Variants in ANKRD24 observed in about 807,000 individuals in gnomAD.
The protein encoded by ANKRD24 is ankyrin repeat domain 24.
In ANKRD24, 109 loss-of-function variants were observed where a neutral mutation model predicts 127.8. The observed-to-expected ratio is 0.85, with a 90% CI of 0.73 to 1.00. ANKRD24 has a LOEUF of 1.00. Ranked by LOEUF, ANKRD24 falls within the 50% of genes least tolerant of loss-of-function variation. The probability of loss-of-function intolerance (pLI) is 0.00; values close to 1 mark genes in which losing one functional copy is unlikely to be tolerated. For synonymous variants in ANKRD24, 743 were observed against 671.1 expected, an observed-to-expected ratio of 1.11 and a Z score of -1.66; for missense variants, 1,648 against 1,570.2, an observed-to-expected ratio of 1.05 and a Z score of -0.84.
intron 20 of ANKRD24, among the ~76,000 whole-genome samples, chr19:4,223,542 G>T (rs10425435): frequency 6.7e-6 from 1 of 150,190 alleles, no homozygotes; most frequent in Non-Finnish European, 1.5e-5. Context: ...TGACTAGCTG[G>T]GACTACAGGT....
At chr19:4,186,352 G>A in intron 1 of ANKRD24, 38 bp from the exon 2 acceptor site, 2 of 1,552,282 alleles carry the variant, frequency 1.3e-6, no homozygotes, top group Non-Finnish European at 1.7e-6. Flanking sequence ...CACCAGGACT[G>A]GTGTCCCTCA....
Position 4,219,743 on chromosome 19 carries a change from G to A in ANKRD24, c.3156G>A (p.Lys1052=). ...CCCAGGAGGCTCTGGACAAGGCCAA[G>A]GAGAAGGACAAGAAGGTGGGTGCCC... ...SRAQEALDKA[K]EKDKKITELS... The change falls in exon 19 of 22, where the codon AAG becomes AAA. Residue 1052 remains lysine (K), a synonymous_variant. Coordinates refer to ENST00000318934, the MANE Select transcript of ANKRD24 (RefSeq NM_001393985.1). 1 of 1,608,104 alleles carries A rather than the reference G, an allele frequency of 6.2e-7. No individual in the cohort carries two copies. The highest frequency in any genetic ancestry group is 1.3e-5 in the African/African-American group (1 of 74,860).
chr19:4,222,834 G>A (rs757198988), intron 20 of ANKRD24, 39 bp downstream of exon 20: 8 of 1,550,894 alleles, frequency 5.2e-6, no homozygotes, highest in South Asian at 1.2e-5. Flanking sequence ...GGACCATCAG[G>A]GTGGAGGAGT....
intron 7 of ANKRD24, among the ~76,000 whole-genome samples, chr19:4,205,066 T>TG (rs1969309358): frequency 6.6e-6 from 1 of 152,148 alleles, no homozygotes. Context: ...TGAAACCCTG[T>TG]CTCTACTAAA....
At chr19:4,209,012 T>G in intron 11 of ANKRD24, 1 of 435,906 alleles carries the variant, frequency 2.3e-6, no homozygotes, top group East Asian at 4.3e-5. Context: ...GGGGCCAAAT[T>G]ATGGGGCTGG....
intron 15 of ANKRD24, among the ~76,000 whole-genome samples, chr19:4,214,754 T>C (rs574344777): frequency 1.1e-4 from 16 of 152,184 alleles, no homozygotes; most frequent in African/African-American, 3.9e-4. Context: ...CTCGGGAGGC[T>C]AAGGCAGGAG....
intron 2 of ANKRD24, among the ~76,000 whole-genome samples, chr19:4,188,861 G>T (rs1968214019): frequency 6.6e-6 from 1 of 152,168 alleles, no homozygotes; most frequent in Non-Finnish European, 1.5e-5. Flanking sequence ...AGGCTGGAAT[G>T]CAGTGGCACG....
chr19:4,189,669 A>G (rs926977508), intron 2 of ANKRD24, among the ~76,000 whole-genome samples: 3 of 152,104 alleles, frequency 2.0e-5, no homozygotes, highest in African/African-American at 7.2e-5. Flanking sequence ...GATGTGCAGT[A>G]CTGTGCCCGG....
At chr19:4,221,171 G>A (rs770041101) in intron 19 of ANKRD24, among the ~76,000 whole-genome samples, 3 of 151,630 alleles carry the variant, frequency 2.0e-5, no homozygotes, top group Non-Finnish European at 2.9e-5. Context: ...CTCACCTCCC[G>A]GGTTCAAGAG....
Position 4,219,688 on chromosome 19 carries a change from C to T in ANKRD24, c.3101C>T (p.Ala1034Val), listed in dbSNP as rs1201577783. ...CAGCTACGGGGGCTACGGACCGAGG[C>T]GGAAAGGGCTCGCCAGGCCCAGAGC... The part of the protein sequence containing the change: ...EQQLRGLRTE[A>V]ERARQAQSRA... The change falls in exon 19 of 22, where the codon GCG (alanine) becomes GTG (valine). Residue 1034 changes from alanine (A) to valine (V), a missense_variant. Physicochemically the swap from Ala to Val is moderately conservative, Grantham distance 64 (BLOSUM62 0). Transcript: ENST00000318934. The T allele has an allele frequency of 3.7e-6, 6 of 1,613,554 alleles. No individual in the cohort carries two copies. The highest frequency in any genetic ancestry group is 1.7e-5 in the Admixed American group (1 of 59,968).
intron 13 of ANKRD24, among the ~76,000 whole-genome samples, chr19:4,210,799 C>T (rs62130879): frequency 0.24 from 33,706 of 139,156 alleles, 4,394 homozygotes; most frequent in East Asian, 0.34. Flanking sequence ...CCGGCCAACT[C>T]GCTAGTTCAC....
chr19:4,193,819 A>T (rs961722112), intron 2 of ANKRD24, among the ~76,000 whole-genome samples: 20 of 12,148 alleles, frequency 1.6e-3, no homozygotes, highest in Admixed American at 0.013. Context: ...CCTGGGCGAC[A>T]GAGCGAGACT....
chr19:4,196,848 G>C (rs7256061), intron 2 of ANKRD24, among the ~76,000 whole-genome samples: 51,545 of 152,056 alleles, frequency 0.34, 9,829 homozygotes, highest in Non-Finnish European at 0.43. Flanking sequence ...CACCTGCCAT[G>C]GGCCAGGCAC....
intron 7 of ANKRD24, among the ~76,000 whole-genome samples, chr19:4,204,324 C>T (rs1159287938): frequency 1.3e-5 from 2 of 152,092 alleles, no homozygotes; most frequent in African/African-American, 4.8e-5. Flanking sequence ...ATCCCGGTTA[C>T]CCTTTGAACC....
rs1325266706 is a variant in ANKRD24, at chr19:4,223,388, TATATATA to T, written c.3297+594_3297+600del. The stretch of plus-strand genomic sequence containing the variant: ...CTGGCCATACATATATATATATATA[TATATATA>T]TATATATTTTTTTTTTTTTTTTTTT... On this transcript the variant is annotated intron_variant, in intron 20 of 21. Coordinates refer to ENST00000318934, the MANE Select transcript of ANKRD24 (RefSeq NM_001393985.1). 6.6e-3 allele frequency among the ~76,000 whole-genome samples: 570 copies of T among 86,212 alleles called. 18 individuals are homozygous for T. The highest frequency in any genetic ancestry group is 0.031 in the African/African-American group (543 of 17,404). The allele number at this position is 86,212 out of a possible 152,430, so 56.6% of individuals were successfully genotyped here.
rs537352639 is a variant in ANKRD24, at chr19:4,212,354, G to C, written c.1060-121G>C. ...ATGAGTGAGCGGGCAGAATTCAGTA[G>C]GTGCTGAATAGTTGCACGTGGAATG... On this transcript the variant is annotated intron_variant, in intron 13 of 21. Transcript: ENST00000318934. The C allele has an allele frequency of 3.4e-6, 4 of 1,172,300 alleles. No individual in the cohort carries two copies. In the East Asian group the frequency reaches 7.7e-5, roughly 23 times the overall value. 72.6% of individuals were successfully genotyped at this position (1,172,300 alleles called of 1,614,324 possible).
At chr19:4,193,794 GCCACTGTA>G (rs1448076753) in intron 2 of ANKRD24, among the ~76,000 whole-genome samples, 6 of 129,806 alleles carry the variant, frequency 4.6e-5, no homozygotes, top group African/African-American at 1.7e-4. Context: ...CAGAGATCAT[GCCACTGTA>G]CTCCAGCCTG....
chr19:4,216,364 C>T lies in ANKRD24; in HGVS notation c.1351C>T (p.Leu451Phe). 6.4e-7 allele frequency: 1 copy of T among 1,573,882 alleles called. No individual in the cohort carries two copies. The highest frequency in any genetic ancestry group is 8.6e-7 in the Non-Finnish European group (1 of 1,159,924). ...LASLQEQVAV[L>F]TRQNQELMEK... Reference sequence around the variant, plus strand: ...CTCGCTGCAGGAACAGGTGGCTGTGCTCACCAGACAGAACCAGGAACTGAT... The same window carrying T: ...CTCGCTGCAGGAACAGGTGGCTGTGTTCACCAGACAGAACCAGGAACTGAT... Residue 451 changes from leucine (L) to phenylalanine (F), a missense_variant, in exon 17 of 22, where the codon CTC (leucine) becomes TTC (phenylalanine). Coordinates refer to ENST00000318934, the MANE Select transcript of ANKRD24 (RefSeq NM_001393985.1).
In ANKRD24 at chr19:4,217,520, T is replaced by A; in HGVS notation, c.2360T>A (p.Leu787Gln). The A allele has an allele frequency of 7.3e-7, 1 of 1,368,268 alleles. No individual in the cohort carries two copies. Among genetic ancestry groups the A allele is most frequent in the Non-Finnish European group, 9.4e-7 (1 of 1,067,212 alleles). The allele number at this position is 1,368,268 out of a possible 1,614,324, so 84.8% of individuals were successfully genotyped here. ...SGGGGGDTTQ[L>Q]RAALEQARED... ...GGCGGTGGCGGTGACACCACACAGC[T>A]GCGGGCGGCCCTGGAGCAGGCCCGG... Residue 787 changes from leucine to glutamine, a missense_variant, in exon 18 of 22, where the codon CTG becomes CAG. Leu to Gln is a moderately radical substitution (Grantham distance 113). Coordinates refer to ENST00000318934, the MANE Select transcript of ANKRD24 (RefSeq NM_001393985.1).
Sources: gnomAD v4.1 joint callset for allele counts (sites outside exome capture counted in the v4.1 genomes callset) on GRCh38, gnomAD v4.1.1 for gene constraint, MANE v1.5 for transcripts, NCBI Gene and HGNC (gene_info 2026-07-23, HGNC 2026-07-21) for gene names.